The following ZNF805 variants were observed in gnomAD, a reference collection of about 807,000 sequenced individuals.
ZNF805 encodes zinc finger protein 805.
Under a neutral mutation model 13.6 loss-of-function variants are expected in ZNF805, and 7 were observed. The ratio of observed to expected loss-of-function variants is 0.51; its 90% confidence interval spans 0.29 to 0.97. The LOEUF is 0.97. ZNF805 is among the 50% of genes least tolerant of loss of function. The pLI is 0.08. For missense variants in ZNF805, 604 were observed against 771.0 expected (o/e 0.78, Z 2.57); for synonymous variants, 293 against 279.8 (o/e 1.05, Z -0.47).
rs1212836770 is a variant in ZNF805, at chr19:57,248,714, T to C, written c.253+14T>C. On this transcript the variant is annotated intron_variant, in intron 3 of 3. Transcript: ENST00000414468. ...GCACCTGTCCAGGTAGGAGCCAAGA[T>C]CTGGGCAGGTCGGAGTCCCTGCTGG... 8.9e-6 allele frequency: 14 copies of C among 1,572,346 alleles called. No individual in the cohort carries two copies. Among genetic ancestry groups the C allele is most frequent in the Non-Finnish European group, 1.2e-5 (14 of 1,156,540 alleles).
Position 57,258,007 on chromosome 19 carries a change from A to ATTTTTT in ZNF805, c.*3321_*3326dup, listed in dbSNP as rs56311072. Among the ~76,000 whole-genome samples, 1 of 95,698 alleles carries ATTTTTT rather than the reference A, an allele frequency of 1.0e-5. No individual in the cohort carries two copies. The highest frequency in any genetic ancestry group is 2.0e-5 in the Non-Finnish European group (1 of 50,318). 62.8% of individuals were successfully genotyped at this position (95,698 alleles called of 152,430 possible). A position where few individuals can be genotyped will look rare whatever the true frequency, so the allele number is the denominator to read the frequency against. On this transcript the variant is annotated 3_prime_UTR_variant, in exon 4 of 4. Transcript: ENST00000414468. The stretch of plus-strand genomic sequence containing the variant: ...ACTGGTATGAGCAACCACGCACAGC[A>ATTTTTT]TTTTTTTTTTTTTTTTTTTTTTGAG...
Position 57,245,596 on chromosome 19 carries a change from G to A in ZNF805, c.157+1547G>A, listed in dbSNP as rs183817163. On this transcript the variant is annotated intron_variant, in intron 2 of 3. Transcript: ENST00000414468. ...AGATAGAGACCATCCTGGCTAACAC[G>A]GTGCAACCCTGTCTCTACTAAAAAT... is the stretch of plus-strand genomic sequence containing the variant. 2.1e-3 allele frequency among the ~76,000 whole-genome samples: 306 copies of A among 148,236 alleles called. 4 individuals are homozygous for A. Among genetic ancestry groups the A allele is most frequent in the East Asian group, 4.7e-3 (23 of 4,928 alleles).
At chr19:57,245,995 A>G (rs1355383449) in intron 2 of ZNF805, among the ~76,000 whole-genome samples, 1 of 152,102 alleles carries the variant, frequency 6.6e-6, no homozygotes, top group East Asian at 1.9e-4. Flanking sequence ...GCTGAGAGAC[A>G]CTTGAGGAAG....
In ZNF805 at chr19:57,257,210, A is replaced by G. The variant is rs2087692508; in HGVS notation, c.*2507A>G. ...TGTCTTGTTTTACATAGCTGCTTGAAAAGAATGTGTGTTCTCGGTCATTTG... is the reference window on the plus strand; with the variant it reads ...TGTCTTGTTTTACATAGCTGCTTGAGAAGAATGTGTGTTCTCGGTCATTTG... On this transcript the variant is annotated 3_prime_UTR_variant, in exon 4 of 4. Coordinates refer to ENST00000414468, the MANE Select transcript of ZNF805 (RefSeq NM_001023563.4). Among the ~76,000 whole-genome samples the G allele has an allele frequency of 6.6e-6, 1 of 152,178 alleles. No individual in the cohort carries two copies. The highest frequency in any genetic ancestry group is 2.4e-5 in the African/African-American group (1 of 41,428).
intron 1 of ZNF805, 113 bp from the exon 2 acceptor site, chr19:57,243,810 T>TAGGCCCTCAGG: frequency 6.9e-7 from 1 of 1,442,956 alleles, no homozygotes. Context: ...GGTACAAAGT[T>TAGGCCCTCAGG]AGGCCCTCAG....
rs370856985 is a variant in ZNF805, at chr19:57,253,974, G to C, written c.1155G>C (p.Ala385=). The C allele has an allele frequency of 1.9e-5, 30 of 1,612,192 alleles. No individual in the cohort carries two copies. Among genetic ancestry groups the C allele is most frequent in the South Asian group, 1.2e-4 (11 of 90,984 alleles). The change falls in exon 4 of 4, where the codon GCG becomes GCC. Residue 385 remains alanine (A), a synonymous_variant. Coordinates refer to ENST00000414468, the MANE Select transcript of ZNF805 (RefSeq NM_001023563.4). This position sits in a 1 kb window ranked among gnomAD's most constrained non-coding sequence, Gnocchi z 4.4. ...GGAAGGCCTTCTGTGAGAGCGCAGC[G>C]CTGATTCACCACTATGTCATCCACA... The part of the protein sequence containing the change: ...ECGKAFCESA[A]LIHHYVIHTG...
chr19:57,242,017 G>A (rs1301760192), intron 1 of ZNF805, among the ~76,000 whole-genome samples: 2 of 152,176 alleles, frequency 1.3e-5, no homozygotes, highest in African/African-American at 2.4e-5. Flanking sequence ...GAACTGTAAC[G>A]GTTGGCCTTC....
intron 2 of ZNF805, among the ~76,000 whole-genome samples, chr19:57,245,546 G>A (rs34133258): frequency 0.45 from 67,339 of 150,116 alleles, 15,604 homozygotes; most frequent in East Asian, 0.6. Flanking sequence ...TTGGGAGGCC[G>A]AGATGGGCGG....
chr19:57,257,477 G>A lies in ZNF805; in HGVS notation c.*2774G>A, dbSNP rs536863112. ...TGTAGGTTTGCTTAGTATTCTTGGT[G>A]TATTGACCCTTTTATAATTAAGTAA... On this transcript the variant is annotated 3_prime_UTR_variant, in exon 4 of 4. Coordinates refer to ENST00000414468, the MANE Select transcript of ZNF805 (RefSeq NM_001023563.4). 2.0e-5 allele frequency among the ~76,000 whole-genome samples: 3 copies of A among 152,150 alleles called. No individual in the cohort carries two copies. The South Asian group carries it at 6.2e-4, about 32-fold the overall frequency.
chr19:57,244,352 A>G (rs2087598690), intron 2 of ZNF805, among the ~76,000 whole-genome samples: 1 of 151,934 alleles, frequency 6.6e-6, no homozygotes, highest in African/African-American at 2.4e-5. Context: ...CTGGGATTAC[A>G]GGTGCCCACC....
chr19:57,245,079 C>T (rs1001616988), intron 2 of ZNF805, among the ~76,000 whole-genome samples: 3 of 152,138 alleles, frequency 2.0e-5, no homozygotes, highest in Admixed American at 2.0e-4. Flanking sequence ...GTCAGGCAGG[C>T]CCCAAGGAGA....
chr19:57,257,698 CTTTTTTTT>C lies in ZNF805; in HGVS notation c.*3013_*3020del, dbSNP rs869290620. On this transcript the variant is annotated 3_prime_UTR_variant, in exon 4 of 4. Coordinates refer to ENST00000414468, the MANE Select transcript of ZNF805 (RefSeq NM_001023563.4). ...GTGGTTTTATATCCAGTTTGCGTAT[CTTTTTTTT>C]TTTTTTTTTTTTTTTTTGAGACGGA... Among the ~76,000 whole-genome samples the C allele has an allele frequency of 1.1e-3, 37 of 35,072 alleles. No homozygotes were observed. The highest frequency in any genetic ancestry group is 1.3e-3 in the Non-Finnish European group (27 of 20,058). The allele number at this position is 35,072 out of a possible 152,430, so 23.0% of individuals were successfully genotyped here.
rs1394600849 is a variant in ZNF805, at chr19:57,255,700, A to G, written c.*997A>G. 1.3e-5 allele frequency among the ~76,000 whole-genome samples: 2 copies of G among 152,148 alleles called. No individual in the cohort carries two copies. The highest frequency in any genetic ancestry group is 2.4e-5 in the African/African-American group (1 of 41,454). Reference sequence around the variant, plus strand: ...TTCAATCTTATTTTGCTGTCTTGCAACCTTCCTAAACTCATTATTTCTTGC... The same window carrying G: ...TTCAATCTTATTTTGCTGTCTTGCAGCCTTCCTAAACTCATTATTTCTTGC... On this transcript the variant is annotated 3_prime_UTR_variant, in exon 4 of 4. Transcript: ENST00000414468.
Position 57,262,546 on chromosome 19 carries a change from G to A in ZNF805, c.*7843G>A, listed in dbSNP as rs1429545672. ...GCCTTTATTTCGGCAAAGATGTGAT[G>A]GGTAGGTAAATGCCGTGTTCTTTCC... On this transcript the variant is annotated 3_prime_UTR_variant, in exon 4 of 4. Transcript: ENST00000414468. The A allele has an allele frequency of 6.0e-6, 1 of 166,996 alleles. No homozygotes were observed. Among genetic ancestry groups the A allele is most frequent in the African/African-American group, 2.4e-5 (1 of 41,428 alleles). The allele number at this position is 166,996 out of a possible 1,614,324, so 10.3% of individuals were successfully genotyped here.
At chr19:57,244,810 C>G (rs370490655) in intron 2 of ZNF805, among the ~76,000 whole-genome samples, 1 of 152,052 alleles carries the variant, frequency 6.6e-6, no homozygotes, top group South Asian at 2.1e-4. Context: ...TGTTTGTGAC[C>G]CCTCCTTCCC....
rs375266446 is a variant in ZNF805, at chr19:57,248,680, T to C, written c.233T>C (p.Leu78Pro). ...GAGCCATGGACCAGGAAGGAAGACC[T>C]CTCCCAAGGCACCTGTCCAGGTAGG... ...GQEPWTRKED[L>P]SQGTCPGDKG... The change falls in exon 3 of 4, where the codon CTC becomes CCC. Residue 78 changes from leucine to proline, a missense_variant. Physicochemically the swap from Leu to Pro is moderately conservative, Grantham distance 98. Transcript: ENST00000414468. 1.3e-6 allele frequency: 2 copies of C among 1,597,406 alleles called. No individual in the cohort carries two copies. Among genetic ancestry groups the C allele is most frequent in the Non-Finnish European group, 8.5e-7 (1 of 1,171,328 alleles).
Position 57,258,062 on chromosome 19 carries a change from A to G in ZNF805, c.*3359A>G. On this transcript the variant is annotated 3_prime_UTR_variant, in exon 4 of 4. Coordinates refer to ENST00000414468, the MANE Select transcript of ZNF805 (RefSeq NM_001023563.4). ...AGTCTTGCTCTGTCGCCCTGGCTGG[A>G]GTGCAGTGGCGCAGTCTGCAACCTC... is the stretch of plus-strand genomic sequence containing the variant. Among the ~76,000 whole-genome samples the G allele has an allele frequency of 7.5e-6, 1 of 133,196 alleles. No individual in the cohort carries two copies. The allele number at this position is 133,196 out of a possible 152,430, so 87.4% of individuals were successfully genotyped here. A position where few individuals can be genotyped will look rare whatever the true frequency, so the allele number is the denominator to read the frequency against.
At chr19:57,249,651 C>CTGCCTA (rs1195912367) in intron 3 of ZNF805, among the ~76,000 whole-genome samples, 2 of 151,946 alleles carry the variant, frequency 1.3e-5, no homozygotes, top group East Asian at 3.9e-4. Flanking sequence ...CACTTATATT[C>CTGCCTA]TGCCTATCAG....
At chr19:57,243,550 G>A (rs561358294) in intron 1 of ZNF805, among the ~76,000 whole-genome samples, 1 of 152,316 alleles carries the variant, frequency 6.6e-6, no homozygotes, top group East Asian at 1.9e-4. Flanking sequence ...CTTTAAAACA[G>A]AACATGAAGC....
Sources: allele counts gnomAD v4.1 joint callset (sites outside exome capture counted in the v4.1 genomes callset), GRCh38; gene constraint gnomAD v4.1.1; non-coding constraint Gnocchi (gnomAD v3.1); transcripts MANE v1.5; gene names NCBI Gene and HGNC (gene_info 2026-07-23, HGNC 2026-07-21).